The following SZT2 variants were observed in gnomAD, a reference collection of about 807,000 sequenced individuals.
SZT2 encodes the protein SZT2 subunit of KICSTOR complex.
In SZT2, 216 loss-of-function variants were observed where a neutral mutation model predicts 404.2. That is an observed-to-expected ratio of 0.53 (90% CI 0.48 to 0.60). SZT2 has a LOEUF of 0.60. SZT2 is among the 20% of genes least tolerant of loss of function. The pLI is 0.00. For synonymous variants in SZT2, 1,693 were observed against 1,749.9 expected, an observed-to-expected ratio of 0.97 and a Z score of 0.81; for missense variants, 3,857 against 4,459.2, an observed-to-expected ratio of 0.86 and a Z score of 3.85.
In SZT2 at chr1:43,425,549, G is replaced by A. The variant is rs1204814778; in HGVS notation, c.2721G>A (p.Glu907=). 2 of 1,614,194 alleles carry A rather than the reference G, an allele frequency of 1.2e-6. No individual in the cohort carries two copies. Among genetic ancestry groups the A allele is most frequent in the Admixed American group, 1.7e-5 (1 of 60,018 alleles). Residue 907 remains glutamate (E), a synonymous_variant, in exon 19 of 72, where the codon GAG becomes GAA. Coordinates refer to ENST00000634258, the MANE Select transcript of SZT2 (RefSeq NM_001365999.1). This position sits in a 1 kb window ranked among gnomAD's most constrained non-coding sequence, Gnocchi z 4.3. ...ACTCAGAGCTCAATCTGGTCACTGAGGTGTGGGTGGAGCCACAGTATGGGC... is the reference window on the plus strand; with the variant it reads ...ACTCAGAGCTCAATCTGGTCACTGAAGTGTGGGTGGAGCCACAGTATGGGC... ...EGDSELNLVT[E]VWVEPQYGRV...
intron 3 of SZT2, 191 bp downstream of exon 3, chr1:43,403,965 T>G: frequency 1.5e-6 from 1 of 655,048 alleles, no homozygotes; most frequent in Admixed American, 2.9e-5. Context: ...ATCCCAGTGC[T>G]TTGGGAAGCC....
intron 1 of SZT2, among the ~76,000 whole-genome samples, chr1:43,392,262 A>G (rs1413687507): frequency 6.6e-6 from 1 of 152,150 alleles, no homozygotes; most frequent in East Asian, 1.9e-4. Context: ...CTAGTGTTGT[A>G]TTTTACACTG....
At chr1:43,449,861 G>C (rs941060714) in intron 70 of SZT2, 20 of 597,982 alleles carry the variant, frequency 3.3e-5, no homozygotes, top group Non-Finnish European at 5.1e-5. Flanking sequence ...GCCAGGCTCT[G>C]TGTGGGGCCT....
rs1276663017 is a variant in SZT2, at chr1:43,431,070, C to G, written c.4896C>G (p.Ala1632=). 1.9e-6 allele frequency: 3 copies of G among 1,613,834 alleles called. No individual in the cohort carries two copies. The highest frequency in any genetic ancestry group is 3.3e-5 in the Admixed American group (2 of 59,956). The change falls in exon 33 of 72, where the codon GCC becomes GCG. Residue 1632 remains alanine (A), a synonymous_variant. Transcript: ENST00000634258. ...CCCTGGAAGTGGAGCTCCCCACGGC[C>G]TCGGACCCTCAGCACCACCGGTGTG... The part of the protein sequence containing the change: ...TLPLEVELPT[A]SDPQHHRSTS...
Position 43,437,029 on chromosome 1 carries a change from C to T in SZT2, c.6035-142C>T. 1.7e-6 allele frequency: 2 copies of T among 1,148,164 alleles called. No individual in the cohort carries two copies. The highest frequency in any genetic ancestry group is 2.4e-5 in the East Asian group (1 of 41,762). The allele number at this position is 1,148,164 out of a possible 1,614,324, so 71.1% of individuals were successfully genotyped here. A position where few individuals can be genotyped will look rare whatever the true frequency, so the allele number is the denominator to read the frequency against. On this transcript the variant is annotated intron_variant, in intron 42 of 71. Transcript: ENST00000634258. This position sits in a 1 kb window ranked among gnomAD's most constrained non-coding sequence, Gnocchi z 5.3. Reference sequence around the variant, plus strand: ...GCATCTGCCTGGCCCTGTCGTGTTACCCAGAATGATCATCATTTCTCTGCA... The same window carrying T: ...GCATCTGCCTGGCCCTGTCGTGTTATCCAGAATGATCATCATTTCTCTGCA...
chr1:43,401,077 A>G (rs1649623956), intron 1 of SZT2, among the ~76,000 whole-genome samples: 1 of 151,988 alleles, frequency 6.6e-6, no homozygotes, highest in African/African-American at 2.4e-5. Flanking sequence ...ACGAGCCACT[A>G]CGCCTGGCTA....
rs772422323 is a variant in SZT2 at position 43,451,328 on chromosome 1, GCCTCGGCACCTCAGC to G, written c.*851_*865del. 21 of 1,613,212 alleles carry G rather than the reference GCCTCGGCACCTCAGC, an allele frequency of 1.3e-5. No individual in the cohort carries two copies. The highest frequency in any genetic ancestry group is 1.6e-5 in the Non-Finnish European group (19 of 1,180,008). ...CTGTGTCTCCTGCAGGGAGAGGGAGGCCTCGGCACCTCAGCCCACAAGGAGAAAACAGCCCCTGTC... is the reference window on the plus strand; with the variant it reads ...CTGTGTCTCCTGCAGGGAGAGGGAGGCCACAAGGAGAAAACAGCCCCTGTC... On this transcript the variant is annotated 3_prime_UTR_variant, in exon 72 of 72. Transcript: ENST00000634258.
chr1:43,438,822 G>T lies in SZT2; in HGVS notation c.6627+5G>T. On this transcript the variant is annotated splice_donor_5th_base_variant and intron_variant, in intron 47 of 71. Transcript: ENST00000634258. ...CTGACACCAGCTGATGTGGAGGTCA[G>T]CTCCCCTCTAGGCACCAGCATCCTT... 6.2e-7 allele frequency: 1 copy of T among 1,612,776 alleles called. No homozygotes were observed. Among genetic ancestry groups the T allele is most frequent in the Non-Finnish European group, 8.5e-7 (1 of 1,179,074 alleles).
At chr1:43,390,520 C>T (rs1340563271) in intron 1 of SZT2, among the ~76,000 whole-genome samples, 1 of 152,232 alleles carries the variant, frequency 6.6e-6, no homozygotes, top group Non-Finnish European at 1.5e-5. Flanking sequence ...TCAGGCGAGT[C>T]TTCCCGGATC....
chr1:43,429,964 G>A (rs1271943936), intron 29 of SZT2, 47 bp from the exon 30 acceptor site: 4 of 1,613,138 alleles, frequency 2.5e-6, no homozygotes, highest in Admixed American at 1.7e-5. Flanking sequence ...GTAGTATCCT[G>A]TTGAGGGGTG....
chr1:43,416,648 A>G lies in SZT2; in HGVS notation c.879+7A>G, dbSNP rs1453392872. 6.3e-7 allele frequency: 1 copy of G among 1,593,864 alleles called. No individual in the cohort carries two copies. Among genetic ancestry groups the G allele is most frequent in the Non-Finnish European group, 8.5e-7 (1 of 1,177,216 alleles). On this transcript the variant is annotated splice_region_variant and intron_variant, in intron 7 of 71. Transcript: ENST00000634258. ...GGCTTGTTCCTTTGTCCAGGTGAGG[A>G]CTTTTTAGGAAGGACGAGAGAGATA...
chr1:43,416,757 A>G, intron 7 of SZT2, 116 bp downstream of exon 7: 1 of 781,740 alleles, frequency 1.3e-6, no homozygotes, highest in Non-Finnish European at 2.1e-6. Flanking sequence ...ACTTAGTTAC[A>G]TGGGGGGAAG....
rs1381701372 is a variant in SZT2 at position 43,441,713 on chromosome 1, C to T, written c.7637C>T (p.Ala2546Val). 6.2e-7 allele frequency: 1 copy of T among 1,614,226 alleles called. No individual in the cohort carries two copies. The highest frequency in any genetic ancestry group is 8.5e-7 in the Non-Finnish European group (1 of 1,180,036). ...IGCASVSRSS[A>V]HMVSRFLLPS... The stretch of plus-strand genomic sequence containing the variant: ...TGTGCCTCAGTGTCCAGAAGCTCTG[C>T]CCACATGGTGTCCCGGTTCCTCCTT... Residue 2546 changes from alanine to valine, a missense_variant, in exon 55 of 72, where the codon GCC becomes GTC. Transcript: ENST00000634258. The surrounding 1 kb of genome is among the most constrained non-coding windows in gnomAD (Gnocchi z 4.8).
chr1:43,411,226 T>C (rs1557524964), intron 4 of SZT2, among the ~76,000 whole-genome samples: 1 of 152,216 alleles, frequency 6.6e-6, no homozygotes, highest in African/African-American at 2.4e-5. Flanking sequence ...ACTTCTGTCT[T>C]CATGGAGGGC....
Position 43,420,220 on chromosome 1 carries a change from C to G in SZT2, c.1158C>G (p.Arg386=). Residue 386 remains arginine, a synonymous_variant, in exon 9 of 72, where the codon CGC becomes CGG. Transcript: ENST00000634258. The surrounding 1 kb of genome is among the most constrained non-coding windows in gnomAD (Gnocchi z 5.1). ...GCAGCAACCCTGCCCTGGCCTTGCG[C>G]CGGAAGAAGCACACTGAGAAGGAGG... is the stretch of plus-strand genomic sequence containing the variant. ...SASSNPALAL[R]RKKHTEKEVP... 8 of 1,598,476 alleles carry G rather than the reference C, an allele frequency of 5.0e-6. No individual in the cohort carries two copies. The highest frequency in any genetic ancestry group is 6.8e-6 in the Non-Finnish European group (8 of 1,179,816).
chr1:43,448,596 G>C lies in SZT2; in HGVS notation c.9970-16G>C. The C allele has an allele frequency of 6.2e-7, 1 of 1,614,146 alleles. No individual in the cohort carries two copies. The highest frequency in any genetic ancestry group is 8.5e-7 in the Non-Finnish European group (1 of 1,179,978). On this transcript the variant is annotated splice_polypyrimidine_tract_variant and intron_variant, in intron 69 of 71. Transcript: ENST00000634258. This position sits in a 1 kb window ranked among gnomAD's most constrained non-coding sequence, Gnocchi z 4.2. ...TGACTGGCACAGAAGACTCAGGCCT[G>C]TGGCTCCTCCCTCAGGACTGCTTCC...
chr1:43,424,943 C>T lies in SZT2; in HGVS notation c.2550+81C>T, dbSNP rs1163164270. On this transcript the variant is annotated intron_variant, in intron 17 of 71. Coordinates refer to ENST00000634258, the MANE Select transcript of SZT2 (RefSeq NM_001365999.1). The surrounding 1 kb of genome is among the most constrained non-coding windows in gnomAD (Gnocchi z 4.1). ...CACTCACCTCTGAGCTGGGTTGGGA[C>T]TGCTGGAAACTGCCTCACAGGGACC... 2.0e-6 allele frequency: 3 copies of T among 1,511,724 alleles called. No homozygotes were observed. Among genetic ancestry groups the T allele is most frequent in the Non-Finnish European group, 2.8e-6 (3 of 1,090,336 alleles). 93.6% of individuals were successfully genotyped at this position (1,511,724 alleles called of 1,614,324 possible).
At chr1:43,398,155 A>G (rs1222523599) in intron 1 of SZT2, among the ~76,000 whole-genome samples, 1 of 152,242 alleles carries the variant, frequency 6.6e-6, no homozygotes, top group African/African-American at 2.4e-5. Context: ...CCAAAGAACA[A>G]AAGGAAAGTA....
chr1:43,401,101 T>C (rs1221773722), intron 1 of SZT2, among the ~76,000 whole-genome samples: 1 of 152,092 alleles, frequency 6.6e-6, no homozygotes, highest in Non-Finnish European at 1.5e-5. Context: ...TTTGTGTTTT[T>C]AGTAGTAGAG....
Sources: gnomAD v4.1 joint callset for allele counts (sites outside exome capture counted in the v4.1 genomes callset) on GRCh38, gnomAD v4.1.1 for gene constraint, Gnocchi (gnomAD v3.1) non-coding constraint, MANE v1.5 for transcripts, NCBI Gene and HGNC (gene_info 2026-07-23, HGNC 2026-07-21) for gene names.